AGBL1: variants seen among roughly 807,000 people sequenced by gnomAD.
AGBL1 encodes cytosolic carboxypeptidase 4.
In AGBL1, 130 loss-of-function variants were observed where a neutral mutation model predicts 118.9. That is an observed-to-expected ratio of 1.09 (90% CI 0.95 to 1.26). AGBL1 has a LOEUF of 1.26. Among genes scored for constraint, AGBL1 ranks in the 50% most tolerant of loss-of-function variants. The pLI is 0.00. For synonymous variants in AGBL1, 555 were observed against 478.9 expected (o/e 1.16, Z -2.08); for missense variants, 1,584 against 1,298.1 (o/e 1.22, Z -3.38).
chr15:87,004,851 T>C (rs146320960), intron 24 of AGBL1, among the ~76,000 whole-genome samples: 5,199 of 152,336 alleles, frequency 0.034, 127 homozygotes, highest in Middle Eastern at 0.068. Context: ...TTTCCACATT[T>C]AGTGCTTCCT....
intron 22 of AGBL1, among the ~76,000 whole-genome samples, chr15:86,820,359 T>A (rs912187414): frequency 3.3e-5 from 5 of 152,144 alleles, no homozygotes; most frequent in Admixed American, 2.6e-4. Flanking sequence ...ACAGGCAACC[T>A]ACAGAATGGG....
chr15:86,386,399 A>G (rs1317430432), intron 17 of AGBL1, among the ~76,000 whole-genome samples: 1 of 148,592 alleles, frequency 6.7e-6, no homozygotes, highest in African/African-American at 2.5e-5. Flanking sequence ...TTATTTTTTG[A>G]TTTTATGCTA....
chr15:86,943,095 A>G (rs1199487450), intron 23 of AGBL1, among the ~76,000 whole-genome samples: 1 of 152,212 alleles, frequency 6.6e-6, no homozygotes, highest in East Asian at 1.9e-4. Flanking sequence ...AGGAGAGTTA[A>G]CAGATTTGGT....
chr15:86,200,561 C>G (rs1159396436), intron 5 of AGBL1, among the ~76,000 whole-genome samples: 5 of 119,916 alleles, frequency 4.2e-5, no homozygotes, highest in Non-Finnish European at 6.8e-5. Context: ...CCCCCCCCCC[C>G]CTTTTTTTTT....
At chr15:86,451,736 C>T (rs920425202) in intron 18 of AGBL1, among the ~76,000 whole-genome samples, 1 of 152,034 alleles carries the variant, frequency 6.6e-6, no homozygotes, top group Non-Finnish European at 1.5e-5. Flanking sequence ...TCCATGTCTC[C>T]CTTTTTCTCC....
intron 22 of AGBL1, among the ~76,000 whole-genome samples, chr15:86,843,478 G>A (rs1283774692): frequency 6.6e-6 from 1 of 151,264 alleles, no homozygotes; most frequent in Non-Finnish European, 1.5e-5. Context: ...TATTTAATGA[G>A]CATTTAATAC....
At chr15:86,462,325 C>T (rs766164050) in intron 18 of AGBL1, among the ~76,000 whole-genome samples, 9 of 152,108 alleles carry the variant, frequency 5.9e-5, no homozygotes, top group Admixed American at 5.9e-4. Context: ...CACAGACAAG[C>T]CTTCCAGTCT....
chr15:86,792,666 G>T (rs1458638948), intron 22 of AGBL1, among the ~76,000 whole-genome samples: 1 of 152,100 alleles, frequency 6.6e-6, no homozygotes, highest in Non-Finnish European at 1.5e-5. Context: ...TATTAGCGGG[G>T]TGTGGTGGCT....
At chr15:86,819,411 T>G (rs1408229714) in intron 22 of AGBL1, among the ~76,000 whole-genome samples, 3 of 151,992 alleles carry the variant, frequency 2.0e-5, no homozygotes, top group African/African-American at 7.3e-5. Flanking sequence ...CAAAACCTCC[T>G]TAAGCTAATG....
intron 22 of AGBL1, among the ~76,000 whole-genome samples, chr15:86,775,432 G>A (rs2141296153): frequency 6.6e-6 from 1 of 152,226 alleles, no homozygotes. Context: ...TGAAGAAAAA[G>A]GAAACTGCTC....
At chr15:86,100,133 G>A (rs1261376646) in intron 1 of AGBL1, among the ~76,000 whole-genome samples, 3 of 152,176 alleles carry the variant, frequency 2.0e-5, no homozygotes, top group Middle Eastern at 3.4e-3. Context: ...TGCGATATAT[G>A]ACAGTTATTG....
rs139831044 is a variant in AGBL1, at chr15:86,319,743, G to GTTTTTTTTT, written c.2374+24363_2374+24371dup. On this transcript the variant is annotated intron_variant, in intron 17 of 22. Coordinates refer to ENST00000614907, the MANE Select transcript of AGBL1 (RefSeq NM_001386094.1). ...TGTACTTTGTTTTGCCTCTTTGGTA[G>GTTTTTTTTT]TTTTTTTTTTTTTTTTTTTTTTTTT... 1.5e-3 allele frequency among the ~76,000 whole-genome samples: 71 copies of GTTTTTTTTT among 47,252 alleles called. 18 individuals carry two copies. The highest frequency in any genetic ancestry group is 2.7e-3 in the Admixed American group (8 of 2,944). The allele number at this position is 47,252 out of a possible 152,430, so 31.0% of individuals were successfully genotyped here.
intron 16 of AGBL1, 98 bp from the exon 17 acceptor site, chr15:86,295,157 A>G: frequency 7.1e-7 from 1 of 1,408,922 alleles, no homozygotes; most frequent in Non-Finnish European, 9.7e-7. Flanking sequence ...TAGATTAACA[A>G]CAATACTTCT....
At chr15:86,939,453 C>T (rs1008595406) in intron 23 of AGBL1, among the ~76,000 whole-genome samples, 6 of 152,194 alleles carry the variant, frequency 3.9e-5, no homozygotes, top group African/African-American at 1.2e-4. Context: ...AAACTGAAGG[C>T]TGCACTGTTG....
chr15:86,828,154 G>T (rs1257535086), intron 22 of AGBL1, among the ~76,000 whole-genome samples: 1 of 151,214 alleles, frequency 6.6e-6, no homozygotes, highest in Admixed American at 6.6e-5. Context: ...TGTTGCCTAG[G>T]CTGGTCTCAA....
chr15:86,703,726 G>T (rs2086399125), intron 22 of AGBL1, among the ~76,000 whole-genome samples: 1 of 151,992 alleles, frequency 6.6e-6, no homozygotes, highest in Admixed American at 6.6e-5. Flanking sequence ...GAGTTTCTCT[G>T]CACATGCTCT....
intron 6 of AGBL1, among the ~76,000 whole-genome samples, chr15:86,247,086 A>T (rs958050803): frequency 4.6e-5 from 7 of 152,256 alleles, no homozygotes; most frequent in South Asian, 4.1e-4. Flanking sequence ...ACCCCAGTTT[A>T]TCAAAATCTG....
intron 22 of AGBL1, among the ~76,000 whole-genome samples, chr15:86,819,330 G>A (rs955411938): frequency 2.0e-5 from 3 of 152,060 alleles, no homozygotes; most frequent in Non-Finnish European, 2.9e-5. Flanking sequence ...GTTCTATTAA[G>A]TGATTACTAT....
chr15:86,561,528 C>G (rs1475728314), intron 21 of AGBL1, among the ~76,000 whole-genome samples: 1 of 152,108 alleles, frequency 6.6e-6, no homozygotes, highest in Non-Finnish European at 1.5e-5. Context: ...TTTTTTGGTA[C>G]CAGTACCATG....
Sources: gnomAD v4.1 joint callset for allele counts (sites outside exome capture counted in the v4.1 genomes callset) on GRCh38, gnomAD v4.1.1 for gene constraint, MANE v1.5 for transcripts, NCBI Gene and HGNC (gene_info 2026-07-23, HGNC 2026-07-21) for gene names.